Variants in HS3ST4 observed in about 807,000 individuals in gnomAD.
The protein encoded by HS3ST4 is heparan sulfate glucosamine 3-O-sulfotransferase 4.
HS3ST4 carries 17 observed loss-of-function variants against 29.2 expected under a neutral mutation model. The ratio of observed to expected loss-of-function variants is 0.58; its 90% confidence interval spans 0.40 to 0.87. The LOEUF (loss-of-function observed/expected upper bound fraction) is 0.87. HS3ST4 is among the 40% of genes least tolerant of loss of function. The probability of loss-of-function intolerance (pLI) is 0.00; values close to 1 mark genes in which losing one functional copy is unlikely to be tolerated. For missense variants in HS3ST4, 627 were observed against 634.5 expected (o/e 0.99, Z 0.13); for synonymous variants, 314 against 285.7 (o/e 1.10, Z -1.00).
chr16:25,727,483 T>C (rs1596554301), intron 1 of HS3ST4, among the ~76,000 whole-genome samples: 2 of 152,232 alleles, frequency 1.3e-5, no homozygotes, highest in Non-Finnish European at 2.9e-5. Flanking sequence ...TTAGCAAGTA[T>C]AAGATACTTT....
At chr16:25,864,955 T>TAC (rs1567258997) in intron 1 of HS3ST4, among the ~76,000 whole-genome samples, 1 of 140,946 alleles carries the variant, frequency 7.1e-6, no homozygotes, top group East Asian at 2.1e-4. Context: ...CATATATATA[T>TAC]ACATATATAC....
chr16:26,082,052 C>T lies in HS3ST4; in HGVS notation c.735-53560C>T, dbSNP rs185948597. 1.6e-3 allele frequency among the ~76,000 whole-genome samples: 242 copies of T among 152,174 alleles called. 1 individual carries two copies. In the South Asian group the frequency reaches 0.02, roughly 13 times the overall value. ...TCAGGTGATTCACCCGCCTTGGCCT[C>T]CCAAAGTGCTGGGATTACAGGCATG... On this transcript the variant is annotated intron_variant, in intron 1 of 1. Transcript: ENST00000331351.
rs1409235372 is a variant in HS3ST4, at chr16:25,692,694, G to C, written c.277G>C (p.Ala93Pro). ...GCTGCCTACCCCCGTGCGCCTCGGC[G>C]CCCCCTCGCAGCCGCCCGCGCCGCC... ...SLLPTPVRLG[A>P]PSQPPAPPPL... Residue 93 changes from alanine (A) to proline (P), a missense_variant, in exon 1 of 2, where the codon GCC becomes CCC. By Grantham distance (27) the Ala-to-Pro change is conservative. Coordinates refer to ENST00000331351, the MANE Select transcript of HS3ST4 (RefSeq NM_006040.3). The C allele has an allele frequency of 3.3e-6, 4 of 1,227,920 alleles. No individual in the cohort carries two copies. Among genetic ancestry groups the C allele is most frequent in the Non-Finnish European group, 3.0e-6 (3 of 987,940 alleles). The allele number at this position is 1,227,920 out of a possible 1,614,324, so 76.1% of individuals were successfully genotyped here. A position where few individuals can be genotyped will look rare whatever the true frequency, so the allele number is the denominator to read the frequency against.
intron 1 of HS3ST4, among the ~76,000 whole-genome samples, chr16:25,746,455 GAAGA>G (rs1323848041): frequency 1.3e-5 from 2 of 152,026 alleles, no homozygotes; most frequent in Non-Finnish European, 2.9e-5. Flanking sequence ...GTTTGGAGAG[GAAGA>G]AAGAGTTACA....
intron 1 of HS3ST4, among the ~76,000 whole-genome samples, chr16:26,042,691 G>C (rs948903168): frequency 6.6e-6 from 1 of 152,170 alleles, no homozygotes; most frequent in African/African-American, 2.4e-5. Flanking sequence ...TGTTTTGGGA[G>C]ATGGAAATAA....
rs1051438945 is a variant in HS3ST4, at chr16:25,756,148, A to G, written c.734+62997A>G. Among the ~76,000 whole-genome samples the G allele has an allele frequency of 3.8e-3, 317 of 84,456 alleles. 2 individuals carry two copies. Among genetic ancestry groups the G allele is most frequent in the African/African-American group, 0.014 (302 of 22,296 alleles). The allele number at this position is 84,456 out of a possible 152,430, so 55.4% of individuals were successfully genotyped here. A position where few individuals can be genotyped will look rare whatever the true frequency, so the allele number is the denominator to read the frequency against. On this transcript the variant is annotated intron_variant, in intron 1 of 1. Coordinates refer to ENST00000331351, the MANE Select transcript of HS3ST4 (RefSeq NM_006040.3). ...CACATACACACACACACACACACAC[A>G]CACACGCACACACACACACACACAC...
At chr16:26,105,051 G>A (rs1899034738) in intron 1 of HS3ST4, among the ~76,000 whole-genome samples, 1 of 152,008 alleles carries the variant, frequency 6.6e-6, no homozygotes, top group Non-Finnish European at 1.5e-5. Flanking sequence ...CTTATCCCCC[G>A]AAAGCCTCTT....
At chr16:25,704,386 AT>A (rs1966359308) in intron 1 of HS3ST4, among the ~76,000 whole-genome samples, 1 of 152,122 alleles carries the variant, frequency 6.6e-6, no homozygotes, top group Non-Finnish European at 1.5e-5. Flanking sequence ...TTTCTTACAG[AT>A]AGAGAGATTG....
chr16:25,710,833 T>TA (rs1966410466), intron 1 of HS3ST4, among the ~76,000 whole-genome samples: 1 of 136,874 alleles, frequency 7.3e-6, no homozygotes, highest in Non-Finnish European at 1.6e-5. Flanking sequence ...TTTTTTTTTT[T>TA]AATGACAGGA....
intron 1 of HS3ST4, among the ~76,000 whole-genome samples, chr16:25,839,769 C>T (rs187742162): frequency 2.7e-4 from 41 of 152,192 alleles, no homozygotes; most frequent in African/African-American, 9.9e-4. Context: ...GATTTTTCTG[C>T]CTTGACATGC....
intron 1 of HS3ST4, among the ~76,000 whole-genome samples, chr16:25,909,151 G>A (rs1000159420): frequency 2.0e-5 from 3 of 152,202 alleles, no homozygotes; most frequent in African/African-American, 7.2e-5. Flanking sequence ...TTCTGATTTT[G>A]TAGGTCTGGG....
chr16:25,786,551 G>T (rs893368955), intron 1 of HS3ST4, among the ~76,000 whole-genome samples: 21 of 152,132 alleles, frequency 1.4e-4, no homozygotes. Context: ...GATGACAGAG[G>T]AGATAACTCT....
intron 1 of HS3ST4, among the ~76,000 whole-genome samples, chr16:25,826,489 T>A (rs559326775): frequency 6.6e-6 from 1 of 151,934 alleles, no homozygotes; most frequent in Non-Finnish European, 1.5e-5. Context: ...TCTAGTGAAA[T>A]GGGGAAGGGG....
chr16:26,010,308 G>A (rs1969298484), intron 1 of HS3ST4, among the ~76,000 whole-genome samples: 1 of 152,068 alleles, frequency 6.6e-6, no homozygotes, highest in East Asian at 1.9e-4. Flanking sequence ...ACAAAAATTA[G>A]CTGGGTACAG....
intron 1 of HS3ST4, among the ~76,000 whole-genome samples, chr16:25,954,012 A>T (rs1968704658): frequency 6.6e-6 from 1 of 152,182 alleles, no homozygotes; most frequent in South Asian, 2.1e-4. Flanking sequence ...GAAGAGTCTC[A>T]GGTGCTTGCA....
At chr16:26,053,078 G>C (rs556797747) in intron 1 of HS3ST4, among the ~76,000 whole-genome samples, 1 of 152,154 alleles carries the variant, frequency 6.6e-6, no homozygotes, top group Non-Finnish European at 1.5e-5. Flanking sequence ...TGTTACCTTG[G>C]GCAAGCCCTT....
intron 1 of HS3ST4, among the ~76,000 whole-genome samples, chr16:25,976,662 G>A (rs1968946646): frequency 6.6e-6 from 1 of 152,196 alleles, no homozygotes; most frequent in Non-Finnish European, 1.5e-5. Flanking sequence ...AGGCCACAGA[G>A]GGCACTGTCT....
intron 1 of HS3ST4, among the ~76,000 whole-genome samples, chr16:26,119,509 T>C (rs1299812388): frequency 6.6e-6 from 1 of 151,958 alleles, no homozygotes; most frequent in Non-Finnish European, 1.5e-5. Flanking sequence ...AGCAATTGAG[T>C]GGATGGTGAT....
At chr16:26,014,918 AATAT>A (rs1175694320) in intron 1 of HS3ST4, among the ~76,000 whole-genome samples, 3 of 152,230 alleles carry the variant, frequency 2.0e-5, no homozygotes, top group Admixed American at 6.5e-5. Context: ...TTTGTGGTTA[AATAT>A]TTAGAGACTT....
Sources: gnomAD v4.1 joint callset for allele counts (sites outside exome capture counted in the v4.1 genomes callset) on GRCh38, gnomAD v4.1.1 for gene constraint, MANE v1.5 for transcripts, NCBI Gene and HGNC (gene_info 2026-07-23, HGNC 2026-07-21) for gene names.